The following PDE4D variants were observed in gnomAD, a reference collection of about 807,000 sequenced individuals.
PDE4D encodes phosphodiesterase 4D.
PDE4D carries 24 observed loss-of-function variants against 87.4 expected under a neutral mutation model. The observed-to-expected ratio is 0.27, with a 90% CI of 0.20 to 0.39. The LOEUF is 0.39. PDE4D is among the 10% of genes least tolerant of loss of function. The pLI is 1.00. For missense variants in PDE4D, 714 were observed against 1,041.0 expected (o/e 0.69, Z 4.32); for synonymous variants, 384 against 383.2 (o/e 1.00, Z -0.02).
chr5:60,356,951 C>A (rs564144396), intron 1 of PDE4D, among the ~76,000 whole-genome samples: 1 of 152,106 alleles, frequency 6.6e-6, no homozygotes, highest in Admixed American at 6.6e-5. Flanking sequence ...TGGACACTCA[C>A]GTCCATCAAC....
At chr5:59,394,723 A>G (rs906769015) in intron 1 of PDE4D, among the ~76,000 whole-genome samples, 1 of 152,178 alleles carries the variant, frequency 6.6e-6, no homozygotes, top group Non-Finnish European at 1.5e-5. Context: ...TTACAACAGG[A>G]GGAGCCAAGA....
At chr5:59,138,610 C>T (rs1777469168) in intron 5 of PDE4D, among the ~76,000 whole-genome samples, 2 of 152,202 alleles carry the variant, frequency 1.3e-5, no homozygotes, top group South Asian at 4.1e-4. Context: ...CATCTAGTCT[C>T]TTGCCTTCAA....
At chr5:60,298,010 A>G (rs1292752228) in intron 1 of PDE4D, among the ~76,000 whole-genome samples, 4 of 152,224 alleles carry the variant, frequency 2.6e-5, no homozygotes, top group African/African-American at 9.6e-5. Flanking sequence ...GTATTTCTCA[A>G]TTATCAAATT....
chr5:60,156,267 C>T (rs1174952028), intron 2 of PDE4D, among the ~76,000 whole-genome samples: 1 of 152,160 alleles, frequency 6.6e-6, no homozygotes, highest in East Asian at 1.9e-4. Context: ...AGTCTGTGCC[C>T]AAGCTCACTC....
chr5:60,148,050 G>A (rs987419109), intron 2 of PDE4D, among the ~76,000 whole-genome samples: 1 of 152,110 alleles, frequency 6.6e-6, no homozygotes, highest in Admixed American at 6.6e-5. Flanking sequence ...CAGATCACTG[G>A]AGGCCATCTT....
intron 1 of PDE4D, among the ~76,000 whole-genome samples, chr5:60,397,731 G>A (rs569796563): frequency 2.6e-5 from 4 of 152,258 alleles, no homozygotes; most frequent in African/African-American, 7.2e-5. Flanking sequence ...TATTACACAA[G>A]GTGTTGACTA....
At chr5:59,414,775 G>A (rs1475080856) in intron 1 of PDE4D, among the ~76,000 whole-genome samples, 1 of 152,186 alleles carries the variant, frequency 6.6e-6, no homozygotes, top group Non-Finnish European at 1.5e-5. Flanking sequence ...AGGGCTTAGA[G>A]CCCATGTACT....
Position 59,252,962 on chromosome 5 carries a change from C to T in PDE4D, c.456-36994G>A, listed in dbSNP as rs574850935. 2.6e-5 allele frequency among the ~76,000 whole-genome samples: 4 copies of T among 152,280 alleles called. No homozygotes were observed. The South Asian group carries it at 8.3e-4, about 32-fold the overall frequency. ...GTACCCTTGCTCCCCAGCATAACAACGTGCACACACAGTCGTAGCCCAGCC... is the reference window on the plus strand; with the variant it reads ...GTACCCTTGCTCCCCAGCATAACAATGTGCACACACAGTCGTAGCCCAGCC... On this transcript the variant is annotated intron_variant, in intron 1 of 14. Transcript: ENST00000340635.
chr5:60,133,628 A>G (rs910648092), intron 2 of PDE4D, among the ~76,000 whole-genome samples: 1 of 152,234 alleles, frequency 6.6e-6, no homozygotes, highest in African/African-American at 2.4e-5. Flanking sequence ...ATGCTAGCTA[A>G]TATTAATTAG....
chr5:59,518,435 G>C (rs1811568678), intron 1 of PDE4D, among the ~76,000 whole-genome samples: 1 of 152,128 alleles, frequency 6.6e-6, no homozygotes, highest in East Asian at 1.9e-4. Flanking sequence ...TGTTTTGTCA[G>C]TGCTGGGCTG....
In PDE4D at chr5:58,976,199, G is replaced by C; in HGVS notation, c.1830+151C>G. On this transcript the variant is annotated intron_variant, in intron 13 of 14. Coordinates refer to ENST00000340635, the MANE Select transcript of PDE4D (RefSeq NM_001104631.2). ...TAGAATTTTACCTGGTTAATTCTCA[G>C]GAATAAAAATTTGGATAAAAATCCT... 14 of 815,538 alleles carry C rather than the reference G, an allele frequency of 1.7e-5. No individual in the cohort carries two copies. The South Asian group carries it at 3.4e-4, about 20-fold the overall frequency. The allele number at this position is 815,538 out of a possible 1,614,324, so 50.5% of individuals were successfully genotyped here.
chr5:59,055,947 G>C (rs1166469766), intron 5 of PDE4D, among the ~76,000 whole-genome samples: 1 of 152,198 alleles, frequency 6.6e-6, no homozygotes, highest in Admixed American at 6.5e-5. Context: ...TGGCCTCAAG[G>C]CGTCTACCAT....
chr5:59,143,541 T>G (rs938080697), intron 5 of PDE4D, among the ~76,000 whole-genome samples: 4 of 152,196 alleles, frequency 2.6e-5, no homozygotes, highest in African/African-American at 9.6e-5. Flanking sequence ...TCTGCAAGCA[T>G]AGCAGTGAAG....
intron 2 of PDE4D, among the ~76,000 whole-genome samples, chr5:59,199,900 ACATATATG>A (rs1746378069): frequency 6.6e-6 from 1 of 151,962 alleles, no homozygotes; most frequent in Admixed American, 6.6e-5. Context: ...GTACATATAT[ACATATATG>A]CATGTATATA....
intron 1 of PDE4D, among the ~76,000 whole-genome samples, chr5:60,236,934 A>G (rs1346469930): frequency 6.6e-6 from 1 of 152,096 alleles, no homozygotes. Flanking sequence ...GTAAAATCGT[A>G]AGTTTATGTT....
intron 1 of PDE4D, among the ~76,000 whole-genome samples, chr5:59,280,523 C>A (rs1765618638): frequency 6.6e-6 from 1 of 152,010 alleles, no homozygotes; most frequent in Non-Finnish European, 1.5e-5. Context: ...TGCATTCTGC[C>A]TCTCCTCTTG....
At chr5:59,908,485 T>C (rs1753086433) in intron 3 of PDE4D, among the ~76,000 whole-genome samples, 1 of 152,186 alleles carries the variant, frequency 6.6e-6, no homozygotes, top group Non-Finnish European at 1.5e-5. Flanking sequence ...CTGAAAACTT[T>C]TCCTTATACC....
At chr5:59,330,635 T>C (rs1776554657) in intron 1 of PDE4D, among the ~76,000 whole-genome samples, 1 of 152,196 alleles carries the variant, frequency 6.6e-6, no homozygotes, top group Non-Finnish European at 1.5e-5. Context: ...TTTTTATTTC[T>C]CAAAAGAAAT....
At chr5:59,765,920 C>T (rs1008199908) in intron 1 of PDE4D, among the ~76,000 whole-genome samples, 1 of 152,144 alleles carries the variant, frequency 6.6e-6, no homozygotes, top group Admixed American at 6.5e-5. Flanking sequence ...GGTTCTTGCT[C>T]AACTTTGTAA....
Sources: allele counts gnomAD v4.1 joint callset (sites outside exome capture counted in the v4.1 genomes callset), GRCh38; gene constraint gnomAD v4.1.1; transcripts MANE v1.5; gene names NCBI Gene and HGNC (gene_info 2026-07-23, HGNC 2026-07-21).